The following SSBP4 variants were observed in gnomAD, a reference collection of about 807,000 sequenced individuals.
SSBP4 encodes single-stranded DNA-binding protein 4.
SSBP4 carries 33 observed loss-of-function variants against 64.6 expected under a neutral mutation model. That is an observed-to-expected ratio of 0.51 (90% confidence interval 0.39 to 0.68). The LOEUF is 0.68. SSBP4 is among the 30% of genes least tolerant of loss of function. SSBP4 has a pLI of 0.00. For synonymous variants in SSBP4, 243 were observed against 224.0 expected (o/e 1.08, Z -0.76); for missense variants, 583 against 566.8 (o/e 1.03, Z -0.29).
chr19:18,430,773 G>A, intron 4 of SSBP4, 68 bp from the exon 5 acceptor site: 2 of 1,443,228 alleles, frequency 1.4e-6, no homozygotes, highest in East Asian at 2.5e-5. Context: ...AGAGAGGGGG[G>A]GCACACCCCA....
chr19:18,434,076 C>A, intron 17 of SSBP4, 141 bp from the exon 18 acceptor site: 1 of 1,351,254 alleles, frequency 7.4e-7, no homozygotes, highest in Non-Finnish European at 9.5e-7. Context: ...TGCATCGCCC[C>A]TCCCCCGTTC....
rs766072525 is a variant in SSBP4, at chr19:18,433,199, T to G, written c.977T>G (p.Val326Gly). 2.2e-5 allele frequency: 34 copies of G among 1,573,870 alleles called. No homozygotes were observed. The highest frequency in any genetic ancestry group is 2.8e-5 in the Non-Finnish European group (33 of 1,160,536). ...AAMSAMEPHH[V>G]NGSLGSGDMD... ...ATGAGCGCGATGGAGCCTCACCACG[T>G]GAACGGATCCCTGGGTGAGTGGGCG... The change falls in exon 15 of 18, where the codon GTG becomes GGG. Residue 326 changes from valine (V) to glycine (G), a missense_variant. Physicochemically the swap from Val to Gly is moderately radical, Grantham distance 109 (BLOSUM62 -3). Around this residue, in one of 5 missense-constraint regions of SSBP4, gnomAD observed 444 missense variants for 386.6 expected, o/e 1.15. Transcript: ENST00000270061.
rs766729279 is a variant in SSBP4 at position 18,431,885 on chromosome 19, C to T, written c.565+23C>T. 31 of 1,566,878 alleles carry T rather than the reference C, an allele frequency of 2.0e-5. No homozygotes were observed. In the African/African-American group the frequency reaches 3.3e-4, roughly 16 times the overall value. ...AGGGTGAGTAGGGAAGCTCCAGCCC[C>T]TATCCCGCCATCAATCAGAATTCCA... is the stretch of plus-strand genomic sequence containing the variant. On this transcript the variant is annotated intron_variant, in intron 8 of 17. Coordinates refer to ENST00000270061, the MANE Select transcript of SSBP4 (RefSeq NM_032627.5).
chr19:18,430,793 T>G (rs1290687266), intron 4 of SSBP4, 48 bp from the exon 5 acceptor site: 1 of 1,530,052 alleles, frequency 6.5e-7, no homozygotes, highest in East Asian at 2.4e-5. Context: ...AGGTAGGAAG[T>G]GTCCAGGTGT....
At chr19:18,430,952 A>C in intron 5 of SSBP4, 22 bp downstream of exon 5, 1 of 1,608,514 alleles carries the variant, frequency 6.2e-7, no homozygotes, top group Non-Finnish European at 8.5e-7. Context: ...GCTGGAGTCC[A>C]CTGGCCCCCA....
At chr19:18,408,986 G>T in the SSBP4 span, among the ~76,000 whole-genome samples, 11 of 151,620 alleles carry the variant, frequency 7.3e-5, no homozygotes, top group African/African-American at 1.2e-4. Context: ...CTAATTTTTT[G>T]ATTTTTTGTA....
the SSBP4 span, among the ~76,000 whole-genome samples, chr19:18,410,977 A>G: frequency 2.2e-4 from 34 of 152,292 alleles, no homozygotes; most frequent in African/African-American, 8.2e-4. Context: ...AGCCCTGAAC[A>G]AAACATACAA....
intron 1 of SSBP4, among the ~76,000 whole-genome samples, chr19:18,425,642 A>G (rs1972799796): frequency 6.6e-6 from 1 of 152,032 alleles, no homozygotes; most frequent in Admixed American, 6.6e-5. Flanking sequence ...GGTGTGGGAG[A>G]CTGGAGGGGT....
the SSBP4 span, among the ~76,000 whole-genome samples, chr19:18,408,276 C>G: frequency 1.3e-5 from 2 of 152,194 alleles, no homozygotes; most frequent in African/African-American, 4.8e-5. Context: ...AATGCCTCCG[C>G]TCCCTCCACC....
Position 18,423,489 on chromosome 19 carries a change from G to A in SSBP4, c.59+3782G>A, listed in dbSNP as rs1239047114. ...TGGAGGGTCAGGAGTGAGACCTGGT[G>A]ACGGATGGCAAGGTGACACAAAGCC... On this transcript the variant is annotated intron_variant, in intron 1 of 17. Transcript: ENST00000270061. This position sits in a 1 kb window ranked among gnomAD's most constrained non-coding sequence, Gnocchi z 4.0. Among the ~76,000 whole-genome samples, 3 of 152,182 alleles carry A rather than the reference G, an allele frequency of 2.0e-5. No individual in the cohort carries two copies. Among genetic ancestry groups the A allele is most frequent in the African/African-American group, 7.2e-5 (3 of 41,432 alleles).
intron 17 of SSBP4, 118 bp downstream of exon 17, chr19:18,433,935 G>T (rs939437269): frequency 3.4e-5 from 42 of 1,243,408 alleles, no homozygotes; most frequent in East Asian, 6.5e-5. Context: ...CGGGCCAGGT[G>T]GGGGGGCGGC....
At chr19:18,420,924 C>A (rs1009285881) in intron 1 of SSBP4, among the ~76,000 whole-genome samples, 1 of 151,906 alleles carries the variant, frequency 6.6e-6, no homozygotes, top group Admixed American at 6.6e-5. Flanking sequence ...TGGGGGACTT[C>A]CAGGATCCTT....
Position 18,433,020 on chromosome 19 carries a change from G to A in SSBP4, c.889G>A (p.Gly297Arg). 1 of 1,614,120 alleles carries A rather than the reference G, an allele frequency of 6.2e-7. No homozygotes were observed. The highest frequency in any genetic ancestry group is 1.1e-5 in the South Asian group (1 of 91,080). Residue 297 changes from glycine (G) to arginine (R), a missense_variant, in exon 14 of 18, where the codon GGG (glycine) becomes AGG (arginine). Physicochemically the swap from Gly to Arg is moderately radical, Grantham distance 125 (BLOSUM62 -2). Coordinates refer to ENST00000270061, the MANE Select transcript of SSBP4 (RefSeq NM_032627.5). ...CATGTACACTATCATGAACCCCATC[G>A]GGCAGGGCGCCGGCAGGGCTAATGT... ...ENMYTIMNPIGQGAGRANFPL... is the reference protein window; with the variant it reads ...ENMYTIMNPIRQGAGRANFPL...
the SSBP4 span, among the ~76,000 whole-genome samples, chr19:18,408,713 G>C: frequency 6.6e-6 from 1 of 152,116 alleles, no homozygotes; most frequent in Non-Finnish European, 1.5e-5. Context: ...GGCTGGTCTC[G>C]AACCTGATCT....
At chr19:18,414,422 T>C (rs1263296943), upstream of SSBP4, among the ~76,000 whole-genome samples, 1 of 151,596 alleles carries the variant, frequency 6.6e-6, no homozygotes, top group African/African-American at 2.4e-5. Flanking sequence ...AACCCGGAGG[T>C]TGAGGCTGCA....
At chr19:18,413,209 C>T in the SSBP4 span, among the ~76,000 whole-genome samples, 2 of 140,650 alleles carry the variant, frequency 1.4e-5, no homozygotes, top group Admixed American at 1.5e-4. Context: ...GGAGGGACGA[C>T]GAACGTGAGG....
Position 18,433,004 on chromosome 19 carries a change from TATCATG to T in SSBP4, c.875_880del (p.Ile292_Met293del), listed in dbSNP as rs765840129. ...CCAACTCCAGCGAAAACATGTACAC[TATCATG>T]AACCCCATCGGGCAGGGCGCCGGCA... On this transcript the variant is annotated inframe_deletion, in exon 14 of 18. Coordinates refer to ENST00000270061, the MANE Select transcript of SSBP4 (RefSeq NM_032627.5). 1.5e-5 allele frequency: 24 copies of T among 1,614,108 alleles called. No individual in the cohort carries two copies. In the South Asian group the frequency reaches 2.5e-4, roughly 17 times the overall value.
chr19:18,420,705 A>G (rs985076197), intron 1 of SSBP4, among the ~76,000 whole-genome samples: 1 of 151,742 alleles, frequency 6.6e-6, no homozygotes, highest in Admixed American at 6.6e-5. Flanking sequence ...TAAAAATACA[A>G]AAATTAGCTG....
intron 12 of SSBP4, 43 bp from the exon 13 acceptor site, chr19:18,432,786 A>C (rs369276343): frequency 3.7e-6 from 6 of 1,613,468 alleles, no homozygotes; most frequent in Non-Finnish European, 5.1e-6. Flanking sequence ...GTGGGATGGC[A>C]GATGAGGGGC....
Sources: allele counts gnomAD v4.1 joint callset (sites outside exome capture counted in the v4.1 genomes callset), GRCh38; gene constraint gnomAD v4.1.1; regional missense constraint gnomAD v4.1.1; non-coding constraint Gnocchi (gnomAD v3.1); transcripts MANE v1.5; gene names NCBI Gene and HGNC (gene_info 2026-07-23, HGNC 2026-07-21).